MDFIC: variants seen among roughly 807,000 people sequenced by gnomAD.
The protein encoded by MDFIC is MyoD family inhibitor domain containing.
A neutral mutation model predicts 23.2 loss-of-function variants in MDFIC; 17 were observed. That is an observed-to-expected ratio of 0.73 (90% CI 0.50 to 1.10). MDFIC has a LOEUF of 1.10. Ranked by LOEUF, MDFIC falls within the 50% of genes least tolerant of loss-of-function variation. MDFIC has a pLI of 0.00. For missense variants in MDFIC, 356 were observed against 316.6 expected, an observed-to-expected ratio of 1.12 and a Z score of -0.95; for synonymous variants, 120 against 115.2, an observed-to-expected ratio of 1.04 and a Z score of -0.27.
At chr7:114,943,971 G>C (rs922744503) in intron 3 of MDFIC, among the ~76,000 whole-genome samples, 2 of 152,078 alleles carry the variant, frequency 1.3e-5, no homozygotes, top group African/African-American at 4.8e-5. Flanking sequence ...AGAATATGGA[G>C]AGTCATGCTA....
rs1022073405 is a variant in MDFIC, at chr7:115,017,744, T to C, written c.*1809T>C. Reference sequence around the variant, plus strand: ...GTTTGATCTCTCTAAAATTGTAGTTTGGTTTGATTTAATATAATTCTTAGT... The same window carrying C: ...GTTTGATCTCTCTAAAATTGTAGTTCGGTTTGATTTAATATAATTCTTAGT... On this transcript the variant is annotated 3_prime_UTR_variant, in exon 5 of 5. Coordinates refer to ENST00000393486, the MANE Select transcript of MDFIC (RefSeq NM_001166345.3). 3.3e-5 allele frequency: 5 copies of C among 152,460 alleles called. No individual in the cohort carries two copies. Among genetic ancestry groups the C allele is most frequent in the African/African-American group, 7.2e-5 (3 of 41,444 alleles). The allele number at this position is 152,460 out of a possible 1,614,324, so 9.4% of individuals were successfully genotyped here.
At chr7:115,003,411 A>G (rs555023320) in intron 4 of MDFIC, among the ~76,000 whole-genome samples, 1 of 152,266 alleles carries the variant, frequency 6.6e-6, no homozygotes, top group Admixed American at 6.5e-5. Flanking sequence ...CATATTTTAA[A>G]CCAAACTGTT....
At position 115,007,362 on chromosome 7, in the gene MDFIC, G is replaced by T. The variant is rs140007646; in HGVS notation, c.494-8326G>T. On this transcript the variant is annotated intron_variant, in intron 4 of 4. Coordinates refer to ENST00000393486, the MANE Select transcript of MDFIC (RefSeq NM_001166345.3). ...CTTTTAATCTTCATCATAACCCTAT[G>T]AGGACAGTAATGTTATTACCAGCTA... 4.0e-3 allele frequency among the ~76,000 whole-genome samples: 605 copies of T among 152,070 alleles called. 29 individuals are homozygous for T. The East Asian group carries it at 0.095, about 24-fold the overall frequency.
intron 3 of MDFIC, among the ~76,000 whole-genome samples, chr7:114,969,921 A>G (rs1236087174): frequency 6.6e-6 from 1 of 152,134 alleles, no homozygotes; most frequent in Admixed American, 6.6e-5. Context: ...TCCTAAATCA[A>G]ATTTGGAAGT....
intron 3 of MDFIC, among the ~76,000 whole-genome samples, chr7:114,956,512 T>C (rs1370640375): frequency 6.6e-6 from 1 of 152,148 alleles, no homozygotes; most frequent in African/African-American, 2.4e-5. Flanking sequence ...AATCAGCATA[T>C]GCCATTTTTA....
chr7:114,993,979 A>G (rs1190433987), intron 4 of MDFIC, among the ~76,000 whole-genome samples: 1 of 151,918 alleles, frequency 6.6e-6, no homozygotes, highest in Middle Eastern at 3.2e-3. Flanking sequence ...ATTGTGTGGG[A>G]GTCTAAGTCT....
chr7:114,999,437 T>C (rs1360899517), intron 4 of MDFIC, among the ~76,000 whole-genome samples: 1 of 152,056 alleles, frequency 6.6e-6, no homozygotes, highest in Non-Finnish European at 1.5e-5. Flanking sequence ...TTTTTTAAAA[T>C]TACATTCCAA....
intron 4 of MDFIC, among the ~76,000 whole-genome samples, chr7:114,993,040 G>A (rs894768191): frequency 7.9e-5 from 12 of 152,172 alleles, no homozygotes; most frequent in African/African-American, 2.9e-4. Flanking sequence ...CCTGTTATTG[G>A]TCTATTCAGG....
At chr7:114,979,863 A>G in intron 4 of MDFIC, 82 bp downstream of exon 4, 1 of 1,490,046 alleles carries the variant, frequency 6.7e-7, no homozygotes, top group South Asian at 1.2e-5. Flanking sequence ...AGCATATATA[A>G]TTGAAGAATC....
At position 115,010,547 on chromosome 7, in the gene MDFIC, T is replaced by G. The variant is rs115943015; in HGVS notation, c.494-5141T>G. On this transcript the variant is annotated intron_variant, in intron 4 of 4. Transcript: ENST00000393486. Reference sequence around the variant, plus strand: ...TGTTTCTGGTAGATACTTCTGTAGATACATGTTGTTTAATATCTCTATGAT... The same window carrying G: ...TGTTTCTGGTAGATACTTCTGTAGAGACATGTTGTTTAATATCTCTATGAT... Among the ~76,000 whole-genome samples the G allele has an allele frequency of 3.6e-3, 545 of 152,338 alleles. 5 individuals are homozygous for G. Among genetic ancestry groups the G allele is most frequent in the African/African-American group, 0.012 (511 of 41,590 alleles).
At chr7:114,980,239 C>G (rs1319009361) in intron 4 of MDFIC, among the ~76,000 whole-genome samples, 1 of 152,170 alleles carries the variant, frequency 6.6e-6, no homozygotes, top group Non-Finnish European at 1.5e-5. Flanking sequence ...TTTTCATGCT[C>G]TTGCCAGGGA....
chr7:115,010,811 A>G (rs1379364501), intron 4 of MDFIC, among the ~76,000 whole-genome samples: 2 of 152,192 alleles, frequency 1.3e-5, no homozygotes, highest in African/African-American at 4.8e-5. Context: ...TTTGATTGAG[A>G]CATCATCTCC....
intron 3 of MDFIC, among the ~76,000 whole-genome samples, chr7:114,969,773 C>A (rs183683530): frequency 7.6e-4 from 116 of 152,270 alleles, no homozygotes; most frequent in Non-Finnish European, 1.4e-3. Context: ...ATCCCTCACA[C>A]AAACGTATAT....
intron 2 of MDFIC, among the ~76,000 whole-genome samples, chr7:114,929,559 G>A (rs938173630): frequency 1.3e-5 from 2 of 152,170 alleles, no homozygotes; most frequent in Non-Finnish European, 2.9e-5. Flanking sequence ...GGAGATGGTG[G>A]AAAAGTAGAA....
chr7:114,923,422 G>C, intron 2 of MDFIC: 1 of 1,528,080 alleles, frequency 6.5e-7, no homozygotes, highest in Non-Finnish European at 8.8e-7. Context: ...TTGGGCCTAA[G>C]ACTCAATGTG....
chr7:114,935,277 T>C (rs1792401503), intron 2 of MDFIC, among the ~76,000 whole-genome samples: 1 of 152,116 alleles, frequency 6.6e-6, no homozygotes, highest in South Asian at 2.1e-4. Flanking sequence ...ATACATAATA[T>C]GCAGATTATA....
chr7:114,983,548 G>T (rs1435428967), intron 4 of MDFIC, among the ~76,000 whole-genome samples: 2 of 145,090 alleles, frequency 1.4e-5, no homozygotes, highest in East Asian at 4.0e-4. Flanking sequence ...AAAGAAGCCT[G>T]CACTTCATCA....
At chr7:114,941,130 T>C (rs1443473188) in intron 2 of MDFIC, among the ~76,000 whole-genome samples, 5 of 152,164 alleles carry the variant, frequency 3.3e-5, no homozygotes, top group Non-Finnish European at 7.3e-5. Flanking sequence ...GTTTGTTTTT[T>C]AGTTCTAAAA....
At chr7:115,002,786 A>G (rs576763815) in intron 4 of MDFIC, among the ~76,000 whole-genome samples, 6 of 151,896 alleles carry the variant, frequency 4.0e-5, no homozygotes, top group Admixed American at 3.9e-4. Flanking sequence ...CTTTTCATAC[A>G]CTCACTCCAT....
Sources: allele counts gnomAD v4.1 joint callset (sites outside exome capture counted in the v4.1 genomes callset), GRCh38; gene constraint gnomAD v4.1.1; transcripts MANE v1.5; gene names NCBI Gene and HGNC (gene_info 2026-07-23, HGNC 2026-07-21).